Variants in VPS13A observed in about 807,000 individuals in gnomAD.
VPS13A encodes vacuolar protein sorting 13 homolog A, also known as intermembrane lipid transfer protein VPS13A.
In VPS13A, 264 loss-of-function variants were observed where a neutral mutation model predicts 390.9. The observed-to-expected ratio is 0.68, with a 90% CI of 0.61 to 0.75. The LOEUF (loss-of-function observed/expected upper bound fraction) is 0.75. Ranked by LOEUF, VPS13A falls within the 30% of genes least tolerant of loss-of-function variation. The pLI is 0.00. For synonymous variants in VPS13A, 1,231 were observed against 1,227.1 expected (o/e 1.00, Z -0.07); for missense variants, 3,409 against 3,733.9 (o/e 0.91, Z 2.27).
chr9:77,345,424 T>A (rs1831097285), intron 52 of VPS13A, among the ~76,000 whole-genome samples: 1 of 152,164 alleles, frequency 6.6e-6, no homozygotes, highest in Non-Finnish European at 1.5e-5. Context: ...TGTCAGAGTT[T>A]GTTAGGAGTC....
At chr9:77,378,893 T>C (rs139469851) in intron 67 of VPS13A, among the ~76,000 whole-genome samples, 2,320 of 152,080 alleles carry the variant, frequency 0.015, 57 homozygotes, top group African/African-American at 0.053. Flanking sequence ...ATTTTTGCTT[T>C]TATTTGTTTC....
chr9:77,403,696 T>G (rs1221192907), intron 69 of VPS13A, among the ~76,000 whole-genome samples: 1 of 152,176 alleles, frequency 6.6e-6, no homozygotes. Context: ...ATATATAGAT[T>G]GACGTAAGTG....
At chr9:77,374,802 A>G (rs2131597360) in intron 67 of VPS13A, among the ~76,000 whole-genome samples, 1 of 152,334 alleles carries the variant, frequency 6.6e-6, no homozygotes, top group Non-Finnish European at 1.5e-5. Context: ...TGTAACACAT[A>G]TAACAGATGA....
chr9:77,409,354 C>T (rs1834791734), intron 71 of VPS13A, among the ~76,000 whole-genome samples: 1 of 152,154 alleles, frequency 6.6e-6, no homozygotes, highest in South Asian at 2.1e-4. Context: ...GGGGAAAAAA[C>T]AGAGCAGAAA....
At position 77,273,332 on chromosome 9, in the gene VPS13A, C is replaced by T. The variant is rs1826458253; in HGVS notation, c.2480C>T (p.Pro827Leu). Residue 827 changes from proline to leucine, a missense_variant, in exon 24 of 72, where the codon CCT (proline) becomes CTT (leucine). By Grantham distance (98) the Pro-to-Leu change is moderately conservative (BLOSUM62 -3). Coordinates refer to ENST00000360280, the MANE Select transcript of VPS13A (RefSeq NM_033305.3). The part of the protein sequence containing the change: ...GTSQISQKII[P>L]LLELPSVSED... ...TCACAGATTTCACAGAAAATAATTC[C>T]TCTCTTGGAACTTCCATCTGTTTCT... 2 of 1,611,518 alleles carry T rather than the reference C, an allele frequency of 1.2e-6. No individual in the cohort carries two copies. Among genetic ancestry groups the T allele is most frequent in the African/African-American group, 2.7e-5 (2 of 74,874 alleles).
intron 31 of VPS13A, among the ~76,000 whole-genome samples, chr9:77,283,878 G>A (rs1031005191): frequency 6.6e-6 from 1 of 151,844 alleles, no homozygotes; most frequent in Non-Finnish European, 1.5e-5. Context: ...GTAAAATGAG[G>A]ATTACAGTAT....
intron 54 of VPS13A, 46 bp downstream of exon 54, chr9:77,353,687 A>G (rs1831601927): frequency 4.0e-6 from 6 of 1,503,620 alleles, no homozygotes; most frequent in African/African-American, 1.4e-5. Flanking sequence ...TCAGTTTCTA[A>G]TTGTTAAGAA....
intron 69 of VPS13A, among the ~76,000 whole-genome samples, chr9:77,404,960 C>T (rs1043308274): frequency 6.6e-6 from 1 of 151,962 alleles, no homozygotes; most frequent in African/African-American, 2.4e-5. Context: ...GGCTAGCTCT[C>T]TCCTTTTCCA....
At position 77,314,088 on chromosome 9, in the gene VPS13A, C is replaced by T. The variant is rs140993797; in HGVS notation, c.4211C>T (p.Thr1404Ile). The stretch of plus-strand genomic sequence containing the variant: ...ATAAGCTTCAAAACTGATGATCTCA[C>T]CATGGTGCTGTATAGTCCAGGTCCT... ...LNISFKTDDL[T>I]MVLYSPGPKQ... The change falls in exon 36 of 72, where the codon ACC (threonine) becomes ATC (isoleucine). Residue 1404 changes from threonine (T) to isoleucine (I), a missense_variant. This residue lies in a region of VPS13A where 2,717 missense variants were observed against 2,917.4 expected (regional missense o/e 0.93). Transcript: ENST00000360280. 43 of 1,613,146 alleles carry T rather than the reference C, an allele frequency of 2.7e-5. No homozygotes were observed. The African/African-American group carries it at 5.5e-4, about 21-fold the overall frequency.
intron 45 of VPS13A, among the ~76,000 whole-genome samples, chr9:77,326,933 G>A (rs1351599293): frequency 4.6e-5 from 7 of 152,056 alleles, no homozygotes; most frequent in African/African-American, 1.2e-4. Flanking sequence ...AATTCTGTCC[G>A]TACAGCTCTT....
At chr9:77,278,269 TAGAG>T (rs1289210223) in intron 26 of VPS13A, among the ~76,000 whole-genome samples, 1 of 144,046 alleles carries the variant, frequency 6.9e-6, no homozygotes, top group Non-Finnish European at 1.5e-5. Context: ...GTATTTTTAG[TAGAG>T]ACGGGGTTTC....
intron 52 of VPS13A, among the ~76,000 whole-genome samples, chr9:77,347,901 G>A (rs528915420): frequency 6.0e-5 from 9 of 150,830 alleles, no homozygotes; most frequent in African/African-American, 2.2e-4. Context: ...CTTTCCATGT[G>A]TTTTTACCTG....
At chr9:77,241,884 G>A (rs993867506) in intron 19 of VPS13A, among the ~76,000 whole-genome samples, 1 of 152,078 alleles carries the variant, frequency 6.6e-6, no homozygotes, top group African/African-American at 2.4e-5. Context: ...GCCTTTGTTT[G>A]CATCCCCCTG....
intron 24 of VPS13A, among the ~76,000 whole-genome samples, chr9:77,275,049 A>T (rs1369697585): frequency 2.0e-5 from 3 of 152,040 alleles, no homozygotes; most frequent in Admixed American, 6.5e-5. Flanking sequence ...ATCTCAGTTT[A>T]CTTCATTCAG....
Position 77,314,006 on chromosome 9 carries a change from A to T in VPS13A, c.4129A>T (p.Thr1377Ser), listed in dbSNP as rs760948401. The T allele has an allele frequency of 5.6e-6, 9 of 1,613,084 alleles. No homozygotes were observed. Among genetic ancestry groups the T allele is most frequent in the Non-Finnish European group, 2.5e-6 (3 of 1,179,494 alleles). Residue 1377 changes from threonine (T) to serine (S), a missense_variant, in exon 36 of 72, where the codon ACA becomes TCA. Transcript: ENST00000360280. ...ATTTTTTCAAGGAGCAACTGTGGTG[A>T]CAGCTGCTGTGGTAGAAGTACATTC... ...SHHSGGATVVTAAVVEVHSRA... is the reference protein window; with the variant it reads ...SHHSGGATVVSAAVVEVHSRA...
At chr9:77,369,472 C>G (rs1450472046) in intron 63 of VPS13A, 60 bp downstream of exon 63, 14 of 1,099,888 alleles carry the variant, frequency 1.3e-5, no homozygotes, top group Non-Finnish European at 2.0e-5. Context: ...ATAGATAATA[C>G]TTTTCTATTG....
chr9:77,271,896 C>T (rs971762221), intron 23 of VPS13A, among the ~76,000 whole-genome samples: 1 of 151,942 alleles, frequency 6.6e-6, no homozygotes, highest in African/African-American at 2.4e-5. Context: ...TGGGAGGATG[C>T]CTAATGATTG....
intron 33 of VPS13A, among the ~76,000 whole-genome samples, chr9:77,300,852 A>G (rs1828303715): frequency 6.6e-6 from 1 of 152,274 alleles, no homozygotes. Context: ...CTTGACTGCA[A>G]TTTAGCAAAT....
At chr9:77,339,037 G>C (rs764946854) in intron 47 of VPS13A, 4 of 181,452 alleles carry the variant, frequency 2.2e-5, no homozygotes, top group Admixed American at 1.1e-4. Flanking sequence ...AGATACATAT[G>C]ACGTAATAAT....
Sources: gnomAD v4.1 joint callset for allele counts (sites outside exome capture counted in the v4.1 genomes callset) on GRCh38, gnomAD v4.1.1 for gene constraint, gnomAD v4.1.1 regional missense constraint, MANE v1.5 for transcripts, NCBI Gene and HGNC (gene_info 2026-07-23, HGNC 2026-07-21) for gene names.